The following WDR82 variants were observed in gnomAD, a reference collection of about 807,000 sequenced individuals.
WDR82 encodes the protein WD repeat-containing protein 82.
A neutral mutation model predicts 36.1 loss-of-function variants in WDR82; 8 were observed. The observed-to-expected ratio is 0.22, with a 90% confidence interval of 0.13 to 0.40. The LOEUF (loss-of-function observed/expected upper bound fraction) is 0.40, where lower values mean the gene tolerates loss of function less well. Among genes scored for constraint, WDR82 ranks in the 10% least tolerant of loss-of-function variants. The pLI, the probability that WDR82 is intolerant of heterozygous loss-of-function variation, is 1.00. For synonymous variants in WDR82, 129 were observed against 137.8 expected (o/e 0.94, Z 0.45); for missense variants, 185 against 400.5 (o/e 0.46, Z 4.59).
chr3:52,257,237 C>T lies in WDR82; in HGVS notation c.*253G>A, dbSNP rs1700017349. On this transcript the variant is annotated 3_prime_UTR_variant, in exon 9 of 9. Transcript: ENST00000296490. Reference sequence around the variant, plus strand: ...ATCGTGAGTCTGGTCACTCCTCCAGCAGAGCTTGGTGCAGTGACAGTTAGA... The same window carrying T: ...ATCGTGAGTCTGGTCACTCCTCCAGTAGAGCTTGGTGCAGTGACAGTTAGA... 1 of 560,818 alleles carries T rather than the reference C, an allele frequency of 1.8e-6. No individual in the cohort carries two copies. The highest frequency in any genetic ancestry group is 2.2e-5 in the South Asian group (1 of 45,548). 34.7% of individuals were successfully genotyped at this position (560,818 alleles called of 1,614,324 possible). A position where few individuals can be genotyped will look rare whatever the true frequency, so the allele number is the denominator to read the frequency against.
At position 52,278,643 on chromosome 3, in the gene WDR82, A is replaced by T; in HGVS notation, c.-282T>A. The T allele has an allele frequency of 5.1e-6, 2 of 394,948 alleles. No individual in the cohort carries two copies. The highest frequency in any genetic ancestry group is 1.3e-3 in the Middle Eastern group (2 of 1,568). 24.5% of individuals were successfully genotyped at this position (394,948 alleles called of 1,614,324 possible). A position where few individuals can be genotyped will look rare whatever the true frequency, so the allele number is the denominator to read the frequency against. On this transcript the variant is annotated 5_prime_UTR_variant, in exon 1 of 9. Coordinates refer to ENST00000296490, the MANE Select transcript of WDR82 (RefSeq NM_025222.4). ...CCGCCATTTTGGGGCGACAGGCAGA[A>T]GCTGAGGGCGAGGAGCCTCAGCCGC...
chr3:52,278,420 G>C lies in WDR82; in HGVS notation c.-59C>G, dbSNP rs2107346701. On this transcript the variant is annotated 5_prime_UTR_variant, in exon 1 of 9. Transcript: ENST00000296490. ...GCCGGGGCGGGGCCCGGCGGCGAGC[G>C]GGCGGGCTGCCGAGGGGCCAACCCA... 1 of 1,229,758 alleles carries C rather than the reference G, an allele frequency of 8.1e-7. No homozygotes were observed. The highest frequency in any genetic ancestry group is 2.7e-5 in the South Asian group (1 of 36,928). 76.2% of individuals were successfully genotyped at this position (1,229,758 alleles called of 1,614,324 possible).
At chr3:52,259,640 C>T in intron 6 of WDR82, 77 bp downstream of exon 6, 1 of 1,504,794 alleles carries the variant, frequency 6.6e-7, no homozygotes, top group South Asian at 1.3e-5. Context: ...TGTTGGTCTC[C>T]ACCAACCAGC....
chr3:52,260,324 T>C, intron 5 of WDR82, 61 bp downstream of exon 5: 1 of 1,305,676 alleles, frequency 7.7e-7, no homozygotes, highest in Non-Finnish European at 1.0e-6. Flanking sequence ...AGCAAAACTC[T>C]GTCTCAAAAA....
intron 1 of WDR82, among the ~76,000 whole-genome samples, chr3:52,275,687 C>G (rs912999950): frequency 3.5e-4 from 53 of 152,224 alleles, no homozygotes; most frequent in African/African-American, 1.0e-3. Flanking sequence ...AGTTCAAGAC[C>G]AGCCTGACCA....
chr3:52,270,896 T>C, intron 1 of WDR82, 87 bp from the exon 2 acceptor site: 1 of 1,016,498 alleles, frequency 9.8e-7, no homozygotes, highest in Non-Finnish European at 1.5e-6. Flanking sequence ...ACTTGAATGA[T>C]GTGGCAAAGG....
chr3:52,259,465 A>G (rs1430452635), intron 6 of WDR82, among the ~76,000 whole-genome samples, 199 bp from the exon 7 acceptor site: 1 of 152,198 alleles, frequency 6.6e-6, no homozygotes, highest in Non-Finnish European at 1.5e-5. Flanking sequence ...TTCAAGGCAT[A>G]CTCAAGGGGG....
At chr3:52,258,754 A>G in intron 7 of WDR82, 76 bp from the exon 8 acceptor site, 1 of 1,597,864 alleles carries the variant, frequency 6.3e-7, no homozygotes, top group Non-Finnish European at 8.5e-7. Flanking sequence ...ACATGGATTG[A>G]GATCTGAGGA....
At position 52,255,079 on chromosome 3, in the gene WDR82, A is replaced by AT. The variant is rs1699993038; in HGVS notation, c.*2410dup. The AT allele has an allele frequency of 6.6e-6, 1 of 151,982 alleles. No homozygotes were observed. Among genetic ancestry groups the AT allele is most frequent in the Admixed American group, 6.6e-5 (1 of 15,222 alleles). 9.4% of individuals were successfully genotyped at this position (151,982 alleles called of 1,614,324 possible). On this transcript the variant is annotated 3_prime_UTR_variant, in exon 9 of 9. Coordinates refer to ENST00000296490, the MANE Select transcript of WDR82 (RefSeq NM_025222.4). ...TGCCTCAGCCTCCCAAGTAGCTGAG[A>AT]TTATAGGCGCATGCCACCACGCCCG...
chr3:52,267,194 T>G (rs1700113583), intron 2 of WDR82, 176 bp from the exon 3 acceptor site: 1 of 445,068 alleles, frequency 2.2e-6, no homozygotes. Context: ...GTATGTAGAT[T>G]TCACCTAACT....
chr3:52,260,719 T>G (rs1169030113), intron 4 of WDR82, among the ~76,000 whole-genome samples: 1 of 152,198 alleles, frequency 6.6e-6, no homozygotes, highest in African/African-American at 2.4e-5. Context: ...AAATGAAGCT[T>G]TTAAAAAACA....
At chr3:52,261,563 T>C in intron 3 of WDR82, 84 bp from the exon 4 acceptor site, 1 of 1,127,330 alleles carries the variant, frequency 8.9e-7, no homozygotes, top group African/African-American at 1.6e-5. Context: ...TGCCTATCTA[T>C]ACATATATAT....
At chr3:52,264,829 C>A (rs1391987656) in intron 3 of WDR82, among the ~76,000 whole-genome samples, 1 of 152,008 alleles carries the variant, frequency 6.6e-6, no homozygotes, top group Non-Finnish European at 1.5e-5. Flanking sequence ...CTTGCTTTGT[C>A]ACCCAGGCTG....
At chr3:52,262,946 G>T (rs1472719488) in intron 3 of WDR82, among the ~76,000 whole-genome samples, 2 of 152,108 alleles carry the variant, frequency 1.3e-5, no homozygotes, top group Non-Finnish European at 2.9e-5. Flanking sequence ...TGGCCAACAT[G>T]GTGAAATCCC....
chr3:52,269,379 G>A (rs1700133591), intron 2 of WDR82, among the ~76,000 whole-genome samples: 1 of 152,190 alleles, frequency 6.6e-6, no homozygotes, highest in Admixed American at 6.5e-5. Flanking sequence ...GGAGGCTGAG[G>A]CAAGAGCATC....
intron 1 of WDR82, among the ~76,000 whole-genome samples, chr3:52,277,059 G>T (rs1245674768): frequency 9.0e-6 from 1 of 111,488 alleles, no homozygotes; most frequent in Non-Finnish European, 1.9e-5. Flanking sequence ...AAAAACCCAA[G>T]ATCTCAAATA....
chr3:52,266,819 A>G (rs2107336887), intron 3 of WDR82, 133 bp downstream of exon 3: 1 of 725,302 alleles, frequency 1.4e-6, no homozygotes, highest in East Asian at 2.8e-5. Context: ...TGACTATTTA[A>G]GAGAAGATGA....
At chr3:52,266,905 C>A (rs1033540139) in intron 3 of WDR82, 47 bp downstream of exon 3, 9 of 1,518,358 alleles carry the variant, frequency 5.9e-6, no homozygotes, top group Non-Finnish European at 8.2e-6. Context: ...CTCTGGGTAA[C>A]CTCAGGGATA....
chr3:52,258,933 C>A (rs1276803878), intron 7 of WDR82, among the ~76,000 whole-genome samples: 1 of 152,196 alleles, frequency 6.6e-6, no homozygotes, highest in Non-Finnish European at 1.5e-5. Flanking sequence ...ATACCATTAC[C>A]CTACCAACAG....
Sources: gnomAD v4.1 joint callset for allele counts (sites outside exome capture counted in the v4.1 genomes callset) on GRCh38, gnomAD v4.1.1 for gene constraint, MANE v1.5 for transcripts, NCBI Gene and HGNC (gene_info 2026-07-23, HGNC 2026-07-21) for gene names.